CFAP54: variants seen among roughly 807,000 people sequenced by gnomAD.
CFAP54 encodes cilia and flagella associated protein 54.
Under a neutral mutation model 370.4 loss-of-function variants are expected in CFAP54, and 290 were observed. That is an observed-to-expected ratio of 0.78 (90% CI 0.71 to 0.86). CFAP54 has a LOEUF of 0.86. CFAP54 is among the 40% of genes least tolerant of loss of function. The pLI is 0.00. For missense variants in CFAP54, 3,399 were observed against 3,528.7 expected, an observed-to-expected ratio of 0.96 and a Z score of 0.93; for synonymous variants, 1,206 against 1,236.5, an observed-to-expected ratio of 0.98 and a Z score of 0.52.
chr12:96,804,022 T>C (rs1426953327), intron 63 of CFAP54, among the ~76,000 whole-genome samples: 1 of 151,492 alleles, frequency 6.6e-6, no homozygotes, highest in Non-Finnish European at 1.5e-5. Flanking sequence ...GAATGAAAAA[T>C]TTACCAAGGA....
At chr12:96,703,707 A>G (rs1957516560) in intron 46 of CFAP54, among the ~76,000 whole-genome samples, 1 of 152,220 alleles carries the variant, frequency 6.6e-6, no homozygotes. Flanking sequence ...TGATAGCAAT[A>G]CAATTTTATC....
At chr12:96,792,090 T>G (rs1278298345) in intron 62 of CFAP54, among the ~76,000 whole-genome samples, 1 of 152,132 alleles carries the variant, frequency 6.6e-6, no homozygotes, top group South Asian at 2.1e-4. Flanking sequence ...GACCGTGTGA[T>G]CCACCTGCCT....
chr12:96,665,730 A>G (rs1169787859), intron 39 of CFAP54, among the ~76,000 whole-genome samples: 2 of 152,174 alleles, frequency 1.3e-5, no homozygotes, highest in African/African-American at 4.8e-5. Context: ...GCCCTGTAGC[A>G]TAGTTTTGAA....
chr12:96,741,802 T>C (rs1958055030), intron 51 of CFAP54, among the ~76,000 whole-genome samples: 1 of 152,138 alleles, frequency 6.6e-6, no homozygotes, highest in Non-Finnish European at 1.5e-5. Context: ...ATAATACGTG[T>C]TTGGAATATG....
At chr12:96,525,884 T>G (rs1182394141) in intron 8 of CFAP54, among the ~76,000 whole-genome samples, 1 of 151,856 alleles carries the variant, frequency 6.6e-6, no homozygotes, top group Non-Finnish European at 1.5e-5. Context: ...AGAGATGAGG[T>G]TTCACCATAT....
At chr12:96,592,290 T>C (rs1410212912) in intron 23 of CFAP54, among the ~76,000 whole-genome samples, 200 bp from the exon 24 acceptor site, 1 of 152,188 alleles carries the variant, frequency 6.6e-6, no homozygotes, top group East Asian at 1.9e-4. Context: ...CACTAATTAA[T>C]TTTGTGTATC....
rs541456505 is a variant in CFAP54 at position 96,696,239 on chromosome 12, C to T, written c.6351+2431C>T. Reference sequence around the variant, plus strand: ...GGTTGTAGAAGATAACATGAGTATACCAGAGGTCGATGACATTGAGAATAC... The same window carrying T: ...GGTTGTAGAAGATAACATGAGTATATCAGAGGTCGATGACATTGAGAATAC... On this transcript the variant is annotated intron_variant, in intron 45 of 67. Transcript: ENST00000524981. Among the ~76,000 whole-genome samples the T allele has an allele frequency of 5.9e-5, 9 of 152,176 alleles. No individual in the cohort carries two copies. The South Asian group carries it at 1.7e-3, about 28-fold the overall frequency.
chr12:96,825,942 C>T (rs55917314), intron 65 of CFAP54, among the ~76,000 whole-genome samples: 1,645 of 137,828 alleles, frequency 0.012, 28 homozygotes, highest in African/African-American at 0.042. Flanking sequence ...TAACATAGTA[C>T]ATTAATATAT....
chr12:96,779,418 G>C (rs1022044726), intron 60 of CFAP54, among the ~76,000 whole-genome samples: 1 of 151,954 alleles, frequency 6.6e-6, no homozygotes, highest in African/African-American at 2.4e-5. Flanking sequence ...TCATTCTACT[G>C]TTGGTAAACA....
At chr12:96,748,420 GTTC>G (rs1958143006) in intron 55 of CFAP54, among the ~76,000 whole-genome samples, 1 of 152,030 alleles carries the variant, frequency 6.6e-6, no homozygotes, top group African/African-American at 2.4e-5. Context: ...AAGTGCTGCT[GTTC>G]TTCTTCCCTC....
At chr12:96,508,293 T>G (rs1352509711) in intron 4 of CFAP54, among the ~76,000 whole-genome samples, 9 of 150,480 alleles carry the variant, frequency 6.0e-5, no homozygotes, top group Non-Finnish European at 1.3e-4. Flanking sequence ...TAATCTTTTT[T>G]TTTTTTTTTT....
chr12:96,749,569 TTCTAAG>T lies in CFAP54; in HGVS notation c.7685-4169_7685-4164del, dbSNP rs150798941. ...TTTATATATCAAGTCTTGATCTGTC[TTCTAAG>T]TCTATTATGTTTTCCTTTATAATTT... On this transcript the variant is annotated intron_variant, in intron 55 of 67. Transcript: ENST00000524981. Among the ~76,000 whole-genome samples, 665 of 152,356 alleles carry T rather than the reference TTCTAAG, an allele frequency of 4.4e-3. 2 individuals are homozygous for T. The highest frequency in any genetic ancestry group is 0.015 in the African/African-American group (637 of 41,580).
intron 26 of CFAP54, among the ~76,000 whole-genome samples, chr12:96,613,615 C>T (rs994424164): frequency 3.9e-5 from 6 of 152,004 alleles, no homozygotes; most frequent in African/African-American, 1.5e-4. Context: ...AATTGATAGA[C>T]CACTACCAAG....
At chr12:96,704,830 C>A in intron 47 of CFAP54, 34 bp downstream of exon 47, 1 of 841,078 alleles carries the variant, frequency 1.2e-6, no homozygotes. Flanking sequence ...ACATGGTTTT[C>A]CTAAGTGTGG....
At chr12:96,571,813 T>C (rs1353403406) in intron 19 of CFAP54, among the ~76,000 whole-genome samples, 2 of 152,330 alleles carry the variant, frequency 1.3e-5, no homozygotes, top group African/African-American at 4.8e-5. Flanking sequence ...ATAAACAAAA[T>C]CTTATTAGCA....
intron 8 of CFAP54, 34 bp from the exon 9 acceptor site, chr12:96,527,212 A>C: frequency 6.7e-7 from 1 of 1,486,276 alleles, no homozygotes; most frequent in East Asian, 2.5e-5. Flanking sequence ...TAGCTTTAAC[A>C]AATGGACTGA....
rs748465247 is a variant in CFAP54, at chr12:96,644,411, A to G, written c.4547+3A>G. On this transcript the variant is annotated splice_donor_region_variant and intron_variant, in intron 33 of 67. Transcript: ENST00000524981. Reference sequence around the variant, plus strand: ...GGCACATCACATATGATGGTCAGGTATAGTATATTACTGATGAAAAATACT... The same window carrying G: ...GGCACATCACATATGATGGTCAGGTGTAGTATATTACTGATGAAAAATACT... 7 of 1,509,528 alleles carry G rather than the reference A, an allele frequency of 4.6e-6. No individual in the cohort carries two copies. In the South Asian group the frequency reaches 7.2e-5, roughly 16 times the overall value. The allele number at this position is 1,509,528 out of a possible 1,614,324, so 93.5% of individuals were successfully genotyped here. A position where few individuals can be genotyped will look rare whatever the true frequency, so the allele number is the denominator to read the frequency against.
intron 67 of CFAP54, among the ~76,000 whole-genome samples, chr12:96,870,761 C>T (rs1025234947): frequency 2.0e-5 from 3 of 152,010 alleles, no homozygotes; most frequent in Admixed American, 2.0e-4. Context: ...TACCATTTGC[C>T]AATAACAATT....
At chr12:96,805,316 G>GA (rs920381888) in intron 63 of CFAP54, among the ~76,000 whole-genome samples, 3 of 151,558 alleles carry the variant, frequency 2.0e-5, no homozygotes, top group Non-Finnish European at 4.4e-5. Flanking sequence ...TGCAGAATGG[G>GA]AAAAAATTGC....
Sources: gnomAD v4.1 joint callset for allele counts (sites outside exome capture counted in the v4.1 genomes callset) on GRCh38, gnomAD v4.1.1 for gene constraint, MANE v1.5 for transcripts, NCBI Gene and HGNC (gene_info 2026-07-23, HGNC 2026-07-21) for gene names.